The following DNM1L variants were observed in gnomAD, a reference collection of about 807,000 sequenced individuals.
The protein encoded by DNM1L is dynamin 1L.
In DNM1L, 33 loss-of-function variants were observed where a neutral mutation model predicts 92.8. The observed-to-expected ratio is 0.36, with a 90% CI of 0.27 to 0.48. The LOEUF (loss-of-function observed/expected upper bound fraction) is 0.48. Among genes scored for constraint, DNM1L ranks in the 20% least tolerant of loss-of-function variants. The probability of loss-of-function intolerance (pLI) is 0.99; values close to 1 mark genes in which losing one functional copy is unlikely to be tolerated. For synonymous variants in DNM1L, 284 were observed against 305.0 expected (o/e 0.93, Z 0.72); for missense variants, 485 against 888.8 (o/e 0.55, Z 5.78).
At chr12:32,739,851 C>G in intron 16 of DNM1L, 1 of 584,768 alleles carries the variant, frequency 1.7e-6, no homozygotes, top group Non-Finnish European at 3.0e-6. Flanking sequence ...TGATGCCTTG[C>G]AAACAACTTA....
At chr12:32,688,186 A>T (rs1472993354) in intron 1 of DNM1L, among the ~76,000 whole-genome samples, 1 of 152,164 alleles carries the variant, frequency 6.6e-6, no homozygotes. Context: ...TGGCCTCCCA[A>T]AATGCTGGGA....
intron 5 of DNM1L, 174 bp downstream of exon 5, chr12:32,711,189 C>A: frequency 3.2e-6 from 2 of 621,886 alleles, no homozygotes; most frequent in South Asian, 1.8e-5. Flanking sequence ...GGATACCACA[C>A]TCTACAGGTT....
chr12:32,744,748 C>G lies in DNM1L; in HGVS notation c.*1338C>G. 2.5e-6 allele frequency: 1 copy of G among 399,642 alleles called. No individual in the cohort carries two copies. The highest frequency in any genetic ancestry group is 1.9e-5 in the South Asian group (1 of 53,426). 24.8% of individuals were successfully genotyped at this position (399,642 alleles called of 1,614,324 possible). The stretch of plus-strand genomic sequence containing the variant: ...AAATAAAACAACACCCAGATAGATA[C>G]ACATACTCCTTCAGACTTACAGACC... On this transcript the variant is annotated 3_prime_UTR_variant, in exon 20 of 20. Transcript: ENST00000549701.
Position 32,694,740 on chromosome 12 carries a change from C to T in DNM1L, c.103-6675C>T, listed in dbSNP as rs145321708. On this transcript the variant is annotated intron_variant, in intron 1 of 19. Coordinates refer to ENST00000549701, the MANE Select transcript of DNM1L (RefSeq NM_012062.5). ...TTAGTTGACTATGTTTCTCTACAAA[C>T]GCTCAAATACCAGCAGATTGGGAAC... Among the ~76,000 whole-genome samples, 21 of 152,198 alleles carry T rather than the reference C, an allele frequency of 1.4e-4. No individual in the cohort carries two copies. The East Asian group carries it at 3.3e-3, about 24-fold the overall frequency.
At chr12:32,727,142 T>A in intron 9 of DNM1L, 1 of 772,386 alleles carries the variant, frequency 1.3e-6, no homozygotes, top group South Asian at 1.4e-5. Context: ...AAATCTCATC[T>A]TCTTCATCTG....
At chr12:32,693,054 GA>G (rs1298149144) in intron 1 of DNM1L, among the ~76,000 whole-genome samples, 6 of 152,188 alleles carry the variant, frequency 3.9e-5, no homozygotes, top group Non-Finnish European at 8.8e-5. Context: ...TTTCTCTAAC[GA>G]ATCAAGGAGT....
intron 1 of DNM1L, 66 bp downstream of exon 1, chr12:32,679,531 A>G: frequency 1.3e-6 from 2 of 1,512,124 alleles, no homozygotes; most frequent in Non-Finnish European, 1.8e-6. Flanking sequence ...GTGCTGCGGC[A>G]GTGCCCACTC....
At chr12:32,694,722 A>G (rs1443282001) in intron 1 of DNM1L, among the ~76,000 whole-genome samples, 1 of 152,184 alleles carries the variant, frequency 6.6e-6, no homozygotes, top group Non-Finnish European at 1.5e-5. Flanking sequence ...AAATTAGTTG[A>G]CTATGTTTCT....
intron 5 of DNM1L, among the ~76,000 whole-genome samples, chr12:32,711,433 A>G (rs149843320): frequency 2.1e-3 from 315 of 152,074 alleles, no homozygotes; most frequent in African/African-American, 7.3e-3. Context: ...TATTCGACAT[A>G]TACACTTAAA....
intron 1 of DNM1L, among the ~76,000 whole-genome samples, chr12:32,693,302 G>C (rs1952301144): frequency 6.6e-6 from 1 of 152,100 alleles, no homozygotes; most frequent in African/African-American, 2.4e-5. Flanking sequence ...AGTTTTTGTT[G>C]ATATCTCTGC....
rs1208162167 is a variant in DNM1L, at chr12:32,744,908, C to T, written c.*1498C>T. On this transcript the variant is annotated 3_prime_UTR_variant, in exon 20 of 20. Transcript: ENST00000549701. ...CTTAGAAATCCTTAAGACATCTAGC[C>T]CCGTCTCTAATAGACAACACATTTA... 1 of 515,088 alleles carries T rather than the reference C, an allele frequency of 1.9e-6. No individual in the cohort carries two copies. Among genetic ancestry groups the T allele is most frequent in the Admixed American group, 2.0e-5 (1 of 50,824 alleles). The allele number at this position is 515,088 out of a possible 1,614,324, so 31.9% of individuals were successfully genotyped here. A position where few individuals can be genotyped will look rare whatever the true frequency, so the allele number is the denominator to read the frequency against.
intron 13 of DNM1L, among the ~76,000 whole-genome samples, chr12:32,734,793 G>C (rs1954764568): frequency 1.3e-5 from 2 of 152,086 alleles, no homozygotes; most frequent in Admixed American, 1.3e-4. Flanking sequence ...TGGGCAACAA[G>C]GGCGAAACTC....
At chr12:32,724,557 CAGAG>C (rs1186249973) in intron 9 of DNM1L, among the ~76,000 whole-genome samples, 1 of 111,576 alleles carries the variant, frequency 9.0e-6, no homozygotes, top group Non-Finnish European at 1.7e-5. Flanking sequence ...GCCTGGGCAA[CAGAG>C]AGAGACTCTA....
rs745793670 is a variant in DNM1L, at chr12:32,718,716, G to C, written c.693G>C (p.Met231Ile). 3 of 1,613,866 alleles carry C rather than the reference G, an allele frequency of 1.9e-6. No individual in the cohort carries two copies. The highest frequency in any genetic ancestry group is 1.7e-6 in the Non-Finnish European group (2 of 1,179,934). The part of the protein sequence containing the change: ...DAGTDAMDVL[M>I]GRVIPVKLGI... ...GTACTGATGCCATGGATGTATTGAT[G>C]GGAAGGGTTATTCCAGTCAAACTTG... The change falls in exon 7 of 20, where the codon ATG becomes ATC. Residue 231 changes from methionine to isoleucine, a missense_variant. Transcript: ENST00000549701.
chr12:32,701,879 C>T (rs986767587), intron 2 of DNM1L, among the ~76,000 whole-genome samples: 1 of 151,770 alleles, frequency 6.6e-6, no homozygotes, highest in African/African-American at 2.4e-5. Flanking sequence ...AGGCGCCCCC[C>T]ACCATGCCCA....
intron 2 of DNM1L, among the ~76,000 whole-genome samples, chr12:32,705,210 C>T (rs1174336390): frequency 6.6e-6 from 1 of 151,882 alleles, no homozygotes; most frequent in Non-Finnish European, 1.5e-5. Flanking sequence ...GCCATGTTGG[C>T]CAGGCTGGTC....
chr12:32,738,137 G>C, intron 15 of DNM1L, 127 bp from the exon 16 acceptor site: 1 of 1,186,694 alleles, frequency 8.4e-7, no homozygotes, highest in South Asian at 1.3e-5. Context: ...GCTTTTGCTT[G>C]CAATATAGAA....
intron 1 of DNM1L, among the ~76,000 whole-genome samples, chr12:32,694,245 C>T (rs1952343071): frequency 6.6e-6 from 1 of 152,076 alleles, no homozygotes; most frequent in Admixed American, 6.6e-5. Flanking sequence ...GCCACCTTGC[C>T]CGTGTAATTT....
At chr12:32,685,706 C>T (rs1221568703) in intron 1 of DNM1L, among the ~76,000 whole-genome samples, 3 of 152,008 alleles carry the variant, frequency 2.0e-5, no homozygotes, top group African/African-American at 4.8e-5. Flanking sequence ...CAGGTTTCTG[C>T]ACATCCTTAT....
Sources: gnomAD v4.1 joint callset for allele counts (sites outside exome capture counted in the v4.1 genomes callset) on GRCh38, gnomAD v4.1.1 for gene constraint, MANE v1.5 for transcripts, NCBI Gene and HGNC (gene_info 2026-07-23, HGNC 2026-07-21) for gene names.